Variants in FGGY observed in about 807,000 individuals in gnomAD.
FGGY encodes FGGY carbohydrate kinase domain containing.
In FGGY, 72 loss-of-function variants were observed where a neutral mutation model predicts 71.3. That is an observed-to-expected ratio of 1.01 (90% CI 0.84 to 1.23). The LOEUF (loss-of-function observed/expected upper bound fraction) is 1.23, where lower values mean the gene tolerates loss of function less well. FGGY is among the 50% of genes most tolerant of loss of function. The pLI is 0.00. For missense variants in FGGY, 668 were observed against 682.3 expected (o/e 0.98, Z 0.23); for synonymous variants, 251 against 250.3 (o/e 1.00, Z -0.02).
intron 6 of FGGY, among the ~76,000 whole-genome samples, chr1:59,493,096 AACACACACACACACACAC>A (rs3035371): frequency 2.8e-5 from 4 of 143,024 alleles, no homozygotes; most frequent in African/African-American, 5.2e-5. Flanking sequence ...TACCAAACAA[AACACACACACACACACAC>A]ACACACACAC....
chr1:59,714,691 T>G (rs894209756), intron 14 of FGGY, among the ~76,000 whole-genome samples: 6 of 151,972 alleles, frequency 3.9e-5, no homozygotes, highest in African/African-American at 1.5e-4. Flanking sequence ...TAGATGGGAC[T>G]TTGGAGTGAG....
At position 59,624,730 on chromosome 1, in the gene FGGY, A is replaced by G. The variant is rs1186823500; in HGVS notation, c.1012-1258A>G. ...ACCCCTTATGAAACCATCAAATCTCATGAGACTTATTCACTACTACGAAAC... is the reference window on the plus strand; with the variant it reads ...ACCCCTTATGAAACCATCAAATCTCGTGAGACTTATTCACTACTACGAAAC... On this transcript the variant is annotated intron_variant, in intron 9 of 15. Transcript: ENST00000303721. Among the ~76,000 whole-genome samples the G allele has an allele frequency of 2.0e-5, 3 of 152,010 alleles. No homozygotes were observed. In the East Asian group the frequency reaches 5.8e-4, roughly 29 times the overall value.
At position 59,446,599 on chromosome 1, in the gene FGGY, T is replaced by C. The variant is rs2071300419; in HGVS notation, c.555-10362T>C. On this transcript the variant is annotated intron_variant, in intron 5 of 15. Transcript: ENST00000303721. ...GATACAATTAGCAATCCAATCTGAG[T>C]CATTTTATCTCCCAATGAGCTGTAT... 2.0e-5 allele frequency among the ~76,000 whole-genome samples: 3 copies of C among 152,122 alleles called. No individual in the cohort carries two copies. The South Asian group carries it at 6.2e-4, about 32-fold the overall frequency.
chr1:59,595,365 C>T (rs1486308839), intron 8 of FGGY, among the ~76,000 whole-genome samples: 1 of 152,016 alleles, frequency 6.6e-6, no homozygotes, highest in Non-Finnish European at 1.5e-5. Context: ...GCACAGGTTG[C>T]TTTATGAGCT....
chr1:59,674,797 G>A (rs1312613014), intron 14 of FGGY, among the ~76,000 whole-genome samples: 1 of 152,162 alleles, frequency 6.6e-6, no homozygotes, highest in African/African-American at 2.4e-5. Context: ...TTGCACACAT[G>A]GGGCTTTGTG....
chr1:59,642,658 G>T (rs1010485490), intron 11 of FGGY, among the ~76,000 whole-genome samples: 1 of 149,758 alleles, frequency 6.7e-6, no homozygotes, highest in Non-Finnish European at 1.5e-5. Flanking sequence ...CAAATCATGT[G>T]TACTGTATGC....
At chr1:59,587,724 G>A (rs1386755034) in intron 8 of FGGY, among the ~76,000 whole-genome samples, 1 of 152,202 alleles carries the variant, frequency 6.6e-6, no homozygotes, top group African/African-American at 2.4e-5. Context: ...CAACAGACCT[G>A]CAGCTGAGGG....
intron 5 of FGGY, among the ~76,000 whole-genome samples, chr1:59,397,434 A>T (rs891787014): frequency 6.6e-6 from 1 of 152,246 alleles, no homozygotes; most frequent in African/African-American, 2.4e-5. Context: ...CAACTCATGT[A>T]TTTGGTGGTA....
intron 6 of FGGY, among the ~76,000 whole-genome samples, chr1:59,482,315 C>T (rs1186944995): frequency 6.6e-6 from 1 of 152,086 alleles, no homozygotes; most frequent in African/African-American, 2.4e-5. Flanking sequence ...CTCCTGTGGG[C>T]TCGGGCTTGC....
At chr1:59,703,340 A>G (rs2097726069) in intron 14 of FGGY, among the ~76,000 whole-genome samples, 1 of 152,114 alleles carries the variant, frequency 6.6e-6, no homozygotes, top group Non-Finnish European at 1.5e-5. Flanking sequence ...TTAAATCATT[A>G]AGCCCCCACC....
At chr1:59,605,350 A>C (rs2096613812) in intron 8 of FGGY, among the ~76,000 whole-genome samples, 4 of 152,158 alleles carry the variant, frequency 2.6e-5, no homozygotes, top group Admixed American at 1.3e-4. Flanking sequence ...TGAAACTGGG[A>C]AAGTCCTGGC....
At chr1:59,497,158 CA>C (rs1644399649) in intron 6 of FGGY, among the ~76,000 whole-genome samples, 1 of 152,076 alleles carries the variant, frequency 6.6e-6, no homozygotes, top group African/African-American at 2.4e-5. Flanking sequence ...AAAGAACTGC[CA>C]AAACACAGAT....
chr1:59,588,337 C>T (rs558234880), intron 8 of FGGY, among the ~76,000 whole-genome samples: 171 of 151,894 alleles, frequency 1.1e-3, no homozygotes, highest in African/African-American at 3.9e-3. Flanking sequence ...CTGAAAGTGA[C>T]GGAGAGAATG....
chr1:59,383,212 A>T (rs867697497), intron 5 of FGGY, among the ~76,000 whole-genome samples: 13 of 152,272 alleles, frequency 8.5e-5, no homozygotes, highest in Admixed American at 5.9e-4. Context: ...ATGTATCCCC[A>T]GGTCTTCTAG....
chr1:59,446,398 C>T (rs1269007501), intron 5 of FGGY, among the ~76,000 whole-genome samples: 1 of 151,984 alleles, frequency 6.6e-6, no homozygotes, highest in Non-Finnish European at 1.5e-5. Context: ...TTAATATTGC[C>T]CTGTGTTGCA....
chr1:59,686,052 C>A (rs993264643), intron 14 of FGGY, among the ~76,000 whole-genome samples: 4 of 152,076 alleles, frequency 2.6e-5, no homozygotes, highest in Non-Finnish European at 5.9e-5. Context: ...TAGAAGAAGG[C>A]AGAATTCATT....
intron 8 of FGGY, among the ~76,000 whole-genome samples, chr1:59,563,689 A>G (rs2095830652): frequency 6.6e-6 from 1 of 152,226 alleles, no homozygotes; most frequent in Non-Finnish European, 1.5e-5. Flanking sequence ...AGAAAAAACT[A>G]CTTTAAATTT....
intron 14 of FGGY, among the ~76,000 whole-genome samples, chr1:59,712,266 T>G (rs1346041638): frequency 1.3e-5 from 2 of 152,210 alleles, no homozygotes; most frequent in East Asian, 1.9e-4. Flanking sequence ...CCCATCATCT[T>G]GGGCAGCTCT....
At chr1:59,698,715 A>G (rs1315928515) in intron 14 of FGGY, 40 of 977,500 alleles carry the variant, frequency 4.1e-5, no homozygotes, top group Non-Finnish European at 4.7e-5. Flanking sequence ...TGAATCCATT[A>G]CCTTTCACCA....
Sources: allele counts gnomAD v4.1 joint callset (sites outside exome capture counted in the v4.1 genomes callset), GRCh38; gene constraint gnomAD v4.1.1; transcripts MANE v1.5; gene names NCBI Gene and HGNC (gene_info 2026-07-23, HGNC 2026-07-21).